The following NUP58 variants were observed in gnomAD, a reference collection of about 807,000 sequenced individuals.
NUP58 encodes nucleoporin p58/p45.
NUP58 carries 17 observed loss-of-function variants against 70.1 expected under a neutral mutation model. The observed-to-expected ratio is 0.24, with a 90% CI of 0.17 to 0.36. NUP58 has a LOEUF of 0.36. NUP58 is among the 10% of genes least tolerant of loss of function. NUP58 has a pLI of 1.00. For missense variants in NUP58, 644 were observed against 701.5 expected, an observed-to-expected ratio of 0.92 and a Z score of 0.93; for synonymous variants, 275 against 257.6, an observed-to-expected ratio of 1.07 and a Z score of -0.65.
intron 9 of NUP58, among the ~76,000 whole-genome samples, chr13:25,324,727 T>G (rs2031324671): frequency 6.6e-6 from 1 of 152,230 alleles, no homozygotes; most frequent in East Asian, 1.9e-4. Context: ...ATGAATTCAC[T>G]TCGTGAATCC....
At chr13:25,346,606 G>A (rs999294017), downstream of NUP58, among the ~76,000 whole-genome samples, 8 of 152,044 alleles carry the variant, frequency 5.3e-5, no homozygotes, top group African/African-American at 1.7e-4. Context: ...TATAATCTCA[G>A]CTACTCGGGA....
At chr13:25,333,297 T>A in intron 13 of NUP58, 1 of 985,280 alleles carries the variant, frequency 1.0e-6, no homozygotes, top group Non-Finnish European at 1.2e-6. Flanking sequence ...CAATATAGAT[T>A]TTGTCTTTGC....
At chr13:25,312,016 C>G (rs901420924) in intron 3 of NUP58, among the ~76,000 whole-genome samples, 4 of 152,046 alleles carry the variant, frequency 2.6e-5, no homozygotes, top group Non-Finnish European at 5.9e-5. Flanking sequence ...ACAATGAGGA[C>G]TTAGGTAAAT....
chr13:25,304,796 C>T (rs1431117405), intron 1 of NUP58, among the ~76,000 whole-genome samples: 3 of 151,664 alleles, frequency 2.0e-5, no homozygotes, highest in Non-Finnish European at 4.4e-5. Flanking sequence ...TCCCAAGGTG[C>T]TGGGATTACA....
Position 25,317,068 on chromosome 13 carries a change from T to C in NUP58, c.685+1601T>C, listed in dbSNP as rs539282602. On this transcript the variant is annotated intron_variant, in intron 6 of 15. Coordinates refer to ENST00000381736, the MANE Select transcript of NUP58 (RefSeq NM_014089.4). ...ATCCAAATGATTTCTGTGTTTCTAG[T>C]AGCTGTATCAGTTAGCTTGGGCCCT... Among the ~76,000 whole-genome samples the C allele has an allele frequency of 3.3e-5, 5 of 152,272 alleles. No individual in the cohort carries two copies. In the South Asian group the frequency reaches 1.0e-3, roughly 32 times the overall value.
At chr13:25,306,757 C>G (rs1188361930) in intron 1 of NUP58, among the ~76,000 whole-genome samples, 1 of 152,204 alleles carries the variant, frequency 6.6e-6, no homozygotes, top group Non-Finnish European at 1.5e-5. Context: ...CCCACCTTTT[C>G]ATAGCAAATC....
At chr13:25,328,617 GA>G (rs2031493514) in intron 12 of NUP58, among the ~76,000 whole-genome samples, 1 of 151,896 alleles carries the variant, frequency 6.6e-6, no homozygotes. Context: ...GGCTGGTCTC[GA>G]ACTACTAAAT....
intron 15 of NUP58, 21 bp downstream of exon 15, chr13:25,338,752 A>C: frequency 6.3e-7 from 1 of 1,574,948 alleles, no homozygotes; most frequent in Non-Finnish European, 8.7e-7. Context: ...TTCTGCCTGG[A>C]TTTCAGGCAA....
intron 9 of NUP58, among the ~76,000 whole-genome samples, chr13:25,322,204 CAG>C (rs911018285): frequency 7.2e-4 from 109 of 152,264 alleles, no homozygotes; most frequent in African/African-American, 2.6e-3. Context: ...GTGGATTTAT[CAG>C]AGGGCTGTGA....
intron 12 of NUP58, 113 bp downstream of exon 12, chr13:25,327,625 G>A: frequency 1.7e-6 from 1 of 571,954 alleles, no homozygotes; most frequent in East Asian, 3.1e-5. Flanking sequence ...ACATATAAGT[G>A]AAAAGATGAA....
At chr13:25,302,041 C>G (rs954870220) in intron 1 of NUP58, among the ~76,000 whole-genome samples, 161 bp downstream of exon 1, 1 of 152,204 alleles carries the variant, frequency 6.6e-6, no homozygotes, top group Non-Finnish European at 1.5e-5. Context: ...GGCCTCTCGC[C>G]GCGGTACCCG....
chr13:25,323,985 C>G (rs1314267426), intron 9 of NUP58, among the ~76,000 whole-genome samples: 1 of 152,086 alleles, frequency 6.6e-6, no homozygotes, highest in African/African-American at 2.4e-5. Context: ...TGTAGAATAC[C>G]TTTACATTGA....
At chr13:25,323,829 C>T (rs981004472) in intron 9 of NUP58, among the ~76,000 whole-genome samples, 1 of 152,114 alleles carries the variant, frequency 6.6e-6, no homozygotes, top group African/African-American at 2.4e-5. Context: ...TTTAAAAGAT[C>T]TGTTATGTGC....
At chr13:25,335,519 A>G (rs1412402822) in intron 13 of NUP58, 10 of 984,998 alleles carry the variant, frequency 1.0e-5, no homozygotes, top group Non-Finnish European at 1.2e-5. Flanking sequence ...GTAACATTTT[A>G]CAAAAGAGCT....
intron 13 of NUP58, chr13:25,335,891 T>TTG: frequency 9.2e-7 from 1 of 1,090,458 alleles, no homozygotes; most frequent in Non-Finnish European, 1.1e-6. Flanking sequence ...ATACTGAAGA[T>TTG]TGTACTATGA....
At position 25,315,305 on chromosome 13, in the gene NUP58, G is replaced by A. The variant is rs2030874335; in HGVS notation, c.575-52G>A. The A allele has an allele frequency of 4.8e-5, 63 of 1,301,074 alleles. No individual in the cohort carries two copies. In the South Asian group the frequency reaches 7.0e-4, roughly 15 times the overall value. 80.6% of individuals were successfully genotyped at this position (1,301,074 alleles called of 1,614,324 possible). On this transcript the variant is annotated intron_variant, in intron 5 of 15. Transcript: ENST00000381736. ...CATTAGAGTCCTTTGATCAGTAAGG[G>A]GAAATTGTTGTAGTCTTTTGATGGA...
chr13:25,333,810 A>C, intron 13 of NUP58: 1 of 985,428 alleles, frequency 1.0e-6, no homozygotes, highest in Non-Finnish European at 1.2e-6. Context: ...ATTTTAGACC[A>C]TCTAGATGAG....
At chr13:25,315,320 CT>C in intron 5 of NUP58, 36 bp from the exon 6 acceptor site, 1 of 1,452,840 alleles carries the variant, frequency 6.9e-7, no homozygotes, top group Non-Finnish European at 9.6e-7. Flanking sequence ...TTGTTGTAGT[CT>C]TTTGATGGAA....
At chr13:25,310,913 G>T (rs1013737188) in intron 3 of NUP58, among the ~76,000 whole-genome samples, 15 of 152,170 alleles carry the variant, frequency 9.9e-5, no homozygotes, top group African/African-American at 3.6e-4. Flanking sequence ...GGCACTGCTG[G>T]TGAGGATGGT....
Sources: gnomAD v4.1 joint callset for allele counts (sites outside exome capture counted in the v4.1 genomes callset) on GRCh38, gnomAD v4.1.1 for gene constraint, MANE v1.5 for transcripts, NCBI Gene and HGNC (gene_info 2026-07-23, HGNC 2026-07-21) for gene names.